NAALADL2: variants seen among roughly 807,000 people sequenced by gnomAD.
NAALADL2 encodes the protein inactive N-acetylated-alpha-linked acidic dipeptidase-like protein 2.
A neutral mutation model predicts 87.2 loss-of-function variants in NAALADL2; 76 were observed. The ratio of observed to expected loss-of-function variants is 0.87; its 90% CI spans 0.72 to 1.05. The LOEUF (loss-of-function observed/expected upper bound fraction) is 1.05. Ranked by LOEUF, NAALADL2 falls within the 50% of genes least tolerant of loss-of-function variation. The probability of loss-of-function intolerance (pLI) is 0.00; values close to 1 mark genes in which losing one functional copy is unlikely to be tolerated. For missense variants in NAALADL2, 1,089 were observed against 945.8 expected, an observed-to-expected ratio of 1.15 and a Z score of -1.99; for synonymous variants, 354 against 331.0, an observed-to-expected ratio of 1.07 and a Z score of -0.75.
intron 9 of NAALADL2, among the ~76,000 whole-genome samples, chr3:175,539,628 T>TGTC (rs1711944496): frequency 6.6e-6 from 1 of 151,442 alleles, no homozygotes; most frequent in Non-Finnish European, 1.5e-5. Context: ...TTGTTGTCGT[T>TGTC]GTTCTGAACC....
At chr3:175,694,007 A>G (rs1412949987) in intron 11 of NAALADL2, among the ~76,000 whole-genome samples, 1 of 152,142 alleles carries the variant, frequency 6.6e-6, no homozygotes, top group Non-Finnish European at 1.5e-5. Context: ...TGATTTTTTT[A>G]AATTACCAAA....
chr3:175,119,763 CTATA>C (rs910189239), intron 2 of NAALADL2, among the ~76,000 whole-genome samples: 6 of 138,306 alleles, frequency 4.3e-5, no homozygotes, highest in South Asian at 4.5e-4. Flanking sequence ...ATATATAAAA[CTATA>C]TATAGATATA....
chr3:175,426,345 A>G (rs1002394807), intron 5 of NAALADL2, among the ~76,000 whole-genome samples: 5 of 152,230 alleles, frequency 3.3e-5, no homozygotes, highest in African/African-American at 1.2e-4. Context: ...CCTGAGCGAC[A>G]GAGTGAGACT....
chr3:175,250,762 C>T (rs1748915056), intron 3 of NAALADL2, among the ~76,000 whole-genome samples: 1 of 152,136 alleles, frequency 6.6e-6, no homozygotes, highest in Admixed American at 6.5e-5. Flanking sequence ...TGCAAGATTG[C>T]TATCTGAAGA....
At chr3:174,521,297 A>G (rs1477101900) in intron 1 of NAALADL2, among the ~76,000 whole-genome samples, 1 of 152,104 alleles carries the variant, frequency 6.6e-6, no homozygotes, top group South Asian at 2.1e-4. Context: ...ACTGAATACA[A>G]TTTGGTCATA....
At chr3:175,426,000 G>A (rs1292739908) in intron 5 of NAALADL2, among the ~76,000 whole-genome samples, 1 of 152,100 alleles carries the variant, frequency 6.6e-6, no homozygotes, top group African/African-American at 2.4e-5. Context: ...AAGTAATCAT[G>A]GAGTCTGTCA....
At chr3:174,689,397 C>CTATT (rs1728352003) in intron 2 of NAALADL2, among the ~76,000 whole-genome samples, 2 of 149,468 alleles carry the variant, frequency 1.3e-5, no homozygotes, top group South Asian at 4.2e-4. Context: ...CCCGCTTCAC[C>CTATT]TTTTTTTTAC....
intron 10 of NAALADL2, among the ~76,000 whole-genome samples, chr3:175,597,138 A>C (rs993195500): frequency 8.5e-5 from 13 of 152,142 alleles, no homozygotes; most frequent in Admixed American, 3.9e-4. Context: ...AGCACTTTTC[A>C]AAGCAAGTTT....
intron 13 of NAALADL2, among the ~76,000 whole-genome samples, chr3:175,788,550 C>T (rs1322044699): frequency 6.6e-6 from 1 of 152,082 alleles, no homozygotes; most frequent in East Asian, 1.9e-4. Context: ...TAACCTATAC[C>T]ATGAAGCCTA....
chr3:175,121,828 T>A (rs1410654378), intron 2 of NAALADL2, among the ~76,000 whole-genome samples: 1 of 151,736 alleles, frequency 6.6e-6, no homozygotes, highest in Non-Finnish European at 1.5e-5. Context: ...TAAAATGCAT[T>A]TTTTTCCTTT....
chr3:175,152,443 A>C (rs748504642), intron 2 of NAALADL2, among the ~76,000 whole-genome samples: 9 of 152,262 alleles, frequency 5.9e-5, no homozygotes, highest in African/African-American at 9.6e-5. Context: ...ACTTATACTA[A>C]TGGTGCTTAT....
chr3:175,133,504 G>C (rs1269507238), intron 2 of NAALADL2, among the ~76,000 whole-genome samples: 1 of 152,244 alleles, frequency 6.6e-6, no homozygotes, highest in African/African-American at 2.4e-5. Flanking sequence ...CGGATCACTC[G>C]CAGCTAGGAG....
At chr3:175,391,666 A>G (rs1769092336) in intron 5 of NAALADL2, among the ~76,000 whole-genome samples, 1 of 152,194 alleles carries the variant, frequency 6.6e-6, no homozygotes, top group South Asian at 2.1e-4. Flanking sequence ...TTCTTGACCT[A>G]AAGAAACTGT....
In NAALADL2 at chr3:175,103,705, T is replaced by C. The variant is rs555043664; in HGVS notation, c.545+6414T>C. ...GATACAAATAAGTTCATTTAACTTATAGGGATGAATTTTTCTTTTCTGGAA... is the reference window on the plus strand; with the variant it reads ...GATACAAATAAGTTCATTTAACTTACAGGGATGAATTTTTCTTTTCTGGAA... On this transcript the variant is annotated intron_variant, in intron 2 of 13. Coordinates refer to ENST00000454872, the MANE Select transcript of NAALADL2 (RefSeq NM_207015.3). 5.3e-5 allele frequency among the ~76,000 whole-genome samples: 8 copies of C among 152,304 alleles called. No homozygotes were observed. The South Asian group carries it at 6.2e-4, about 12-fold the overall frequency.
At chr3:175,485,328 C>T (rs915173479) in intron 9 of NAALADL2, among the ~76,000 whole-genome samples, 3 of 152,066 alleles carry the variant, frequency 2.0e-5, no homozygotes, top group Admixed American at 2.0e-4. Context: ...GGATTCTCCA[C>T]AGCGACAAAA....
chr3:175,165,570 C>A (rs1016106467), intron 2 of NAALADL2, among the ~76,000 whole-genome samples: 4 of 152,094 alleles, frequency 2.6e-5, no homozygotes, highest in African/African-American at 9.7e-5. Flanking sequence ...GGTGGTAAGA[C>A]CATAACAGAA....
chr3:175,327,194 C>T (rs1581436314), intron 5 of NAALADL2, among the ~76,000 whole-genome samples: 1 of 134,798 alleles, frequency 7.4e-6, no homozygotes, highest in African/African-American at 2.8e-5. Flanking sequence ...CTCGCTCTGT[C>T]GCCCAGGCTG....
At chr3:174,626,337 T>C (rs1293447816) in intron 2 of NAALADL2, among the ~76,000 whole-genome samples, 1 of 152,104 alleles carries the variant, frequency 6.6e-6, no homozygotes, top group Non-Finnish European at 1.5e-5. Flanking sequence ...ATCAACCTGA[T>C]AGGAATAGGA....
chr3:175,129,400 G>A (rs867578435), intron 2 of NAALADL2, among the ~76,000 whole-genome samples: 2 of 152,090 alleles, frequency 1.3e-5, no homozygotes, highest in South Asian at 2.1e-4. Context: ...TCACCATGGT[G>A]TACAATAGAT....
Sources: allele counts gnomAD v4.1 joint callset (sites outside exome capture counted in the v4.1 genomes callset), GRCh38; gene constraint gnomAD v4.1.1; transcripts MANE v1.5; gene names NCBI Gene and HGNC (gene_info 2026-07-23, HGNC 2026-07-21).